CEACAM21: variants seen among roughly 807,000 people sequenced by gnomAD.
The protein encoded by CEACAM21 is cell adhesion molecule CEACAM21.
CEACAM21 carries 38 observed loss-of-function variants against 33.2 expected under a neutral mutation model. That is an observed-to-expected ratio of 1.14 (90% CI 0.88 to 1.50). The LOEUF is 1.50. Ranked by LOEUF, CEACAM21 falls within the 40% of genes most tolerant of loss-of-function variation. The pLI is 0.00. For missense variants in CEACAM21, 385 were observed against 364.6 expected, an observed-to-expected ratio of 1.06 and a Z score of -0.46; for synonymous variants, 156 against 143.0, an observed-to-expected ratio of 1.09 and a Z score of -0.65.
upstream of CEACAM21, among the ~76,000 whole-genome samples, chr19:41,575,686 C>T (rs962755984): frequency 2.0e-5 from 3 of 152,128 alleles, no homozygotes; most frequent in Admixed American, 6.5e-5. Flanking sequence ...GGGATCCTCC[C>T]GAGACCTCCA....
intron 4 of CEACAM21, among the ~76,000 whole-genome samples, chr19:41,584,876 T>A (rs2070607176): frequency 6.6e-6 from 1 of 152,164 alleles, no homozygotes; most frequent in Non-Finnish European, 1.5e-5. Flanking sequence ...TTGACTGACA[T>A]GGTAACTGCA....
chr19:41,561,450 G>A (rs2041876569), intron 1 of CEACAM21, among the ~76,000 whole-genome samples: 1 of 151,628 alleles, frequency 6.6e-6, no homozygotes, highest in African/African-American at 2.4e-5. Flanking sequence ...ACAGGTGGGG[G>A]TGGGGGAGAG....
Position 41,577,424 on chromosome 19 carries a change from G to A in CEACAM21, c.289G>A (p.Gly97Ser), listed in dbSNP as rs781931004. 1.2e-5 allele frequency: 19 copies of A among 1,614,010 alleles called. No homozygotes were observed. Among genetic ancestry groups the A allele is most frequent in the Admixed American group, 6.7e-5 (4 of 59,990 alleles). Residue 97 changes from glycine (G) to serine (S), a missense_variant, in exon 2 of 7, where the codon GGT becomes AGT. Gly to Ser is a moderately conservative substitution (Grantham distance 56). Transcript: ENST00000401445. Reference sequence around the variant, plus strand: ...TAGGACTCCAGGGCCTGCATACAGCGGTCGAGAGACAATATCACCCAGTGG... The same window carrying A: ...TAGGACTCCAGGGCCTGCATACAGCAGTCGAGAGACAATATCACCCAGTGG... ...HVRTPGPAYS[G>S]RETISPSGDL... is the part of the protein sequence containing the mutation.
chr19:41,564,086 C>G (rs2042085272), intron 1 of CEACAM21, among the ~76,000 whole-genome samples: 1 of 152,176 alleles, frequency 6.6e-6, no homozygotes, highest in Non-Finnish European at 1.5e-5. Context: ...CTGGTCTAAA[C>G]CAGCTCAGGT....
chr19:41,552,991 A>T (rs1176863849), intron 1 of CEACAM21, among the ~76,000 whole-genome samples: 8 of 149,292 alleles, frequency 5.4e-5, no homozygotes, highest in Non-Finnish European at 1.2e-4. Context: ...GGAGACTTGT[A>T]GCCAGAGAAA....
intron 1 of CEACAM21, among the ~76,000 whole-genome samples, chr19:41,562,429 A>G (rs1419758088): frequency 6.6e-6 from 1 of 152,202 alleles, no homozygotes; most frequent in South Asian, 2.1e-4. Flanking sequence ...GACACACGAC[A>G]CAATAGAAAA....
In CEACAM21 at chr19:41,571,081, C is replaced by G. The variant is rs59128505; in HGVS notation, c.-404+6025C>G. 5.5e-3 allele frequency among the ~76,000 whole-genome samples: 836 copies of G among 151,850 alleles called. 6 individuals are homozygous for G. Among genetic ancestry groups the G allele is most frequent in the African/African-American group, 0.019 (795 of 41,178 alleles). ...CTGCAGGGTGTTCAGCACCATCCACCCACTCAATGCCAGCAGGACTCCCTC... is the reference window on the plus strand; with the variant it reads ...CTGCAGGGTGTTCAGCACCATCCACGCACTCAATGCCAGCAGGACTCCCTC... On this transcript the variant is annotated intron_variant, in intron 2 of 7. Transcript: ENST00000407170.
intron 4 of CEACAM21, among the ~76,000 whole-genome samples, 166 bp downstream of exon 4, chr19:41,584,609 G>C (rs1402391409): frequency 6.6e-6 from 1 of 152,098 alleles, no homozygotes; most frequent in African/African-American, 2.4e-5. Context: ...TGCTGACCCT[G>C]GGCTGCTTCC....
intron 1 of CEACAM21, among the ~76,000 whole-genome samples, chr19:41,556,336 A>G (rs1233110396): frequency 2.6e-5 from 4 of 152,258 alleles, no homozygotes; most frequent in African/African-American, 9.6e-5. Flanking sequence ...GTACATGTGC[A>G]GGGTAGTTAC....
chr19:41,568,140 AT>A (rs2042384026), intron 2 of CEACAM21, among the ~76,000 whole-genome samples: 1 of 152,086 alleles, frequency 6.6e-6, no homozygotes, highest in Non-Finnish European at 1.5e-5. Flanking sequence ...ATTTTCTTAT[AT>A]ATTTTGGATA....
At chr19:41,571,756 A>G (rs188096147), upstream of CEACAM21, among the ~76,000 whole-genome samples, 279 of 152,322 alleles carry the variant, frequency 1.8e-3, no homozygotes, top group African/African-American at 6.4e-3. Context: ...CTGGGAGCTG[A>G]CAGTGCCCTG....
At chr19:41,565,372 C>T (rs990623485) in intron 2 of CEACAM21, among the ~76,000 whole-genome samples, 5 of 152,066 alleles carry the variant, frequency 3.3e-5, no homozygotes, top group Non-Finnish European at 7.4e-5. Flanking sequence ...ACACCCAGCC[C>T]GGGGGATCAG....
intron 2 of CEACAM21, among the ~76,000 whole-genome samples, 193 bp downstream of exon 2, chr19:41,577,752 C>T (rs1474590069): frequency 1.3e-5 from 2 of 152,190 alleles, no homozygotes; most frequent in Non-Finnish European, 2.9e-5. Flanking sequence ...ATCCGGACTC[C>T]GTGGAAATTC....
chr19:41,582,990 A>G (rs1380873578), intron 3 of CEACAM21, among the ~76,000 whole-genome samples: 1 of 152,184 alleles, frequency 6.6e-6, no homozygotes, highest in Non-Finnish European at 1.5e-5. Context: ...AAATTTTCCA[A>G]ACTTTTATGC....
At chr19:41,574,011 G>A (rs1483131438), upstream of CEACAM21, among the ~76,000 whole-genome samples, 3 of 152,176 alleles carry the variant, frequency 2.0e-5, no homozygotes, top group Admixed American at 6.5e-5. Context: ...AGAGATCAAT[G>A]GAATAGAATC....
At chr19:41,560,290 A>T (rs1338001496) in intron 1 of CEACAM21, among the ~76,000 whole-genome samples, 1 of 151,960 alleles carries the variant, frequency 6.6e-6, no homozygotes, top group Non-Finnish European at 1.5e-5. Context: ...TGGCACAATC[A>T]TAGTTCGCTG....
At chr19:41,563,843 T>C (rs536325903) in intron 1 of CEACAM21, among the ~76,000 whole-genome samples, 1 of 152,244 alleles carries the variant, frequency 6.6e-6, no homozygotes, top group East Asian at 1.9e-4. Context: ...GCTGGCACAG[T>C]GGTGGACTCT....
chr19:41,558,622 G>T (rs1033039124), intron 1 of CEACAM21, among the ~76,000 whole-genome samples: 22 of 152,126 alleles, frequency 1.4e-4, no homozygotes, highest in African/African-American at 5.1e-4. Flanking sequence ...ACTCCAGCCT[G>T]GGTGACAGAG....
Position 41,567,811 on chromosome 19 carries a change from G to A in CEACAM21, c.-404+2755G>A, listed in dbSNP as rs533991345. Among the ~76,000 whole-genome samples the A allele has an allele frequency of 1.1e-3, 172 of 152,160 alleles. 1 individual carries two copies. The highest frequency in any genetic ancestry group is 3.9e-3 in the African/African-American group (161 of 41,492). Reference sequence around the variant, plus strand: ...ATCTCGCTAGATCTCCTGACAGTAGGGAAGATGGTGGGTCCCAGTTTTTTT... The same window carrying A: ...ATCTCGCTAGATCTCCTGACAGTAGAGAAGATGGTGGGTCCCAGTTTTTTT... On this transcript the variant is annotated intron_variant, in intron 2 of 7. Transcript: ENST00000407170.
Sources: allele counts gnomAD v4.1 joint callset (sites outside exome capture counted in the v4.1 genomes callset), GRCh38; gene constraint gnomAD v4.1.1; transcripts MANE v1.5; gene names NCBI Gene and HGNC (gene_info 2026-07-23, HGNC 2026-07-21).